MUC17: variants seen among roughly 807,000 people sequenced by gnomAD.
MUC17 encodes mucin 17, cell surface associated.
A neutral mutation model predicts 170.3 loss-of-function variants in MUC17; 190 were observed. The ratio of observed to expected loss-of-function variants is 1.12; its 90% CI spans 0.99 to 1.26. The LOEUF (loss-of-function observed/expected upper bound fraction) is 1.26. Among genes scored for constraint, MUC17 ranks in the 50% most tolerant of loss-of-function variants. The probability of loss-of-function intolerance (pLI) is 0.00; values close to 1 mark genes in which losing one functional copy is unlikely to be tolerated. For synonymous variants in MUC17, 2,325 were observed against 2,002.5 expected (o/e 1.16, Z -4.30); for missense variants, 6,415 against 5,530.0 (o/e 1.16, Z -5.08).
Position 101,040,739 on chromosome 7 carries a change from C to G in MUC17, c.9323C>G (p.Thr3108Arg). 1.2e-6 allele frequency: 2 copies of G among 1,613,292 alleles called. No homozygotes were observed. The highest frequency in any genetic ancestry group is 1.7e-6 in the Non-Finnish European group (2 of 1,179,818). ...STYSEGSTPL[T>R]GVPVSTTPVT... is the part of the protein sequence containing the mutation. ...TATAGTGAAGGAAGCACTCCATTAACAGGTGTGCCTGTCAGCACCACACCG... is the reference window on the plus strand; with the variant it reads ...TATAGTGAAGGAAGCACTCCATTAAGAGGTGTGCCTGTCAGCACCACACCG... Residue 3108 changes from threonine (T) to arginine (R), a missense_variant, in exon 3 of 13, where the codon ACA (threonine) becomes AGA (arginine). By Grantham distance (71) the Thr-to-Arg change is moderately conservative. Coordinates refer to ENST00000306151, the MANE Select transcript of MUC17 (RefSeq NM_001040105.2).
rs542387139 is a variant in MUC17 at position 101,025,278 on chromosome 7, AC to A, written c.82+5062del. On this transcript the variant is annotated intron_variant, in intron 1 of 12. Transcript: ENST00000306151. ...CTTGGGAGGCTGAGGTAGGAGGATC[AC>A]TTGAGGCCAGGAGGTGGAGGCTGCA... 4.6e-5 allele frequency among the ~76,000 whole-genome samples: 7 copies of A among 151,548 alleles called. No individual in the cohort carries two copies. The East Asian group carries it at 1.4e-3, about 30-fold the overall frequency.
Position 101,058,043 on chromosome 7 carries a change from A to G in MUC17, c.13481A>G (p.Ter4494=), listed in dbSNP as rs1453625012. ...CCTCAGGTAATGACGACATCATTTTAAGGCATGGAGCTGAGAAGTCTGGGA... is the reference window on the plus strand; with the variant it reads ...CCTCAGGTAATGACGACATCATTTTGAGGCATGGAGCTGAGAAGTCTGGGA... ...QRPQVMTTSF[*] is the part of the protein sequence containing the mutation. Residue 4494 remains the stop codon, a stop_retained_variant, in exon 13 of 13, where the codon TAA becomes TGA. Coordinates refer to ENST00000306151, the MANE Select transcript of MUC17 (RefSeq NM_001040105.2). The G allele has an allele frequency of 6.2e-7, 1 of 1,613,892 alleles. No homozygotes were observed. The highest frequency in any genetic ancestry group is 2.2e-5 in the East Asian group (1 of 44,870).
chr7:101,056,252 CAT>C lies in MUC17; in HGVS notation c.13424_13425del (p.Ile4475ArgfsTer3), dbSNP rs1795040922. 1.2e-6 allele frequency: 2 copies of C among 1,613,928 alleles called. No homozygotes were observed. The highest frequency in any genetic ancestry group is 1.7e-6 in the Non-Finnish European group (2 of 1,179,880). On this transcript the variant is annotated frameshift_variant, in exon 12 of 13. Coordinates refer to ENST00000306151, the MANE Select transcript of MUC17 (RefSeq NM_001040105.2). LOFTEE classifies it high-confidence loss of function. ...GTAATTTCCAGCCCTCCTTGAGACA[CAT>C]AGACCCTGAAACAAAGGTAAGAAGG... ...YSNFQPSLRH[I>X]DPETKIRIQR...
In MUC17 at chr7:101,032,324, A is replaced by G. The variant is rs1324565780; in HGVS notation, c.908A>G (p.Asn303Ser). ...STLSTTPAAT[N>S]IPVITSTEAS... is the part of the protein sequence containing the mutation. ...CTTTCAACAACTCCTGCTGCCACCA[A>G]CATTCCTGTGATCACTTCTACTGAA... The change falls in exon 3 of 13, where the codon AAC becomes AGC. Residue 303 changes from asparagine to serine, a missense_variant. Physicochemically the swap from Asn to Ser is conservative, Grantham distance 46. Coordinates refer to ENST00000306151, the MANE Select transcript of MUC17 (RefSeq NM_001040105.2). 6.2e-7 allele frequency: 1 copy of G among 1,613,630 alleles called. No homozygotes were observed. The highest frequency in any genetic ancestry group is 1.1e-5 in the South Asian group (1 of 91,060).
In MUC17 at chr7:101,042,608, C is replaced by A; in HGVS notation, c.11192C>A (p.Ala3731Asp). Residue 3731 changes from alanine to aspartate, a missense_variant, in exon 3 of 13, where the codon GCC becomes GAC. Physicochemically the swap from Ala to Asp is moderately radical, Grantham distance 126. Coordinates refer to ENST00000306151, the MANE Select transcript of MUC17 (RefSeq NM_001040105.2). ...ACACCTGTGACCACTTCTACTGAAGCCATTTCATCTTCTGCAACTCTTGAC... is the reference window on the plus strand; with the variant it reads ...ACACCTGTGACCACTTCTACTGAAGACATTTCATCTTCTGCAACTCTTGAC... Reference protein sequence around the residue: ...TSTPVTTSTEAISSSATLDST... With the variant: ...TSTPVTTSTEDISSSATLDST... 6.2e-7 allele frequency: 1 copy of A among 1,614,104 alleles called. No homozygotes were observed. The highest frequency in any genetic ancestry group is 2.2e-5 in the East Asian group (1 of 44,888).
Position 101,053,079 on chromosome 7 carries a change from C to T in MUC17, c.13197C>T (p.Val4399=), listed in dbSNP as rs762504748. 32 of 1,614,016 alleles carry T rather than the reference C, an allele frequency of 2.0e-5. No individual in the cohort carries two copies. In the East Asian group the frequency reaches 2.7e-4, roughly 13 times the overall value. The change falls in exon 10 of 13, where the codon GTC becomes GTT. Residue 4399 remains valine (V), a synonymous_variant. Coordinates refer to ENST00000306151, the MANE Select transcript of MUC17 (RefSeq NM_001040105.2). ...SLVYGLVGAG[V]VLMLIILVAL... is the part of the protein sequence containing the mutation. ...TGTACGGCCTCGTGGGGGCAGGGGT[C>T]GTGCTGATGCTGATCATCCTGGTAG...
chr7:101,050,591 CAA>C lies in MUC17; in HGVS notation c.12833_12834del (p.Lys4278SerfsTer9), dbSNP rs1794921618. The C allele has an allele frequency of 6.2e-7, 1 of 1,614,014 alleles. No homozygotes were observed. On this transcript the variant is annotated frameshift_variant, in exon 7 of 13. Transcript: ENST00000306151. LOFTEE classifies it high-confidence loss of function. ...ACCGAAGTAGTGAAAGAGAAAATCACAAAAGTGACCACACAGCAAATAATGAT... is the reference window on the plus strand; with the variant it reads ...ACCGAAGTAGTGAAAGAGAAAATCACAAGTGACCACACAGCAAATAATGAT...
At position 101,020,109 on chromosome 7, in the gene MUC17, G is replaced by A. The variant is rs777562830; in HGVS notation, c.-27G>A. The A allele has an allele frequency of 2.6e-6, 4 of 1,563,144 alleles. No individual in the cohort carries two copies. The highest frequency in any genetic ancestry group is 3.5e-6 in the Non-Finnish European group (4 of 1,152,906). ...TTCGCCAGCTCCTCTGGGGGTGACA[G>A]GCAAGTGAGACGTGCTCAGAGCTCC... On this transcript the variant is annotated 5_prime_UTR_variant, in exon 1 of 13. Transcript: ENST00000306151.
Position 101,033,386 on chromosome 7 carries a change from A to C in MUC17, c.1970A>C (p.Asn657Thr). ...STLSTTPVDSNTPVTTSTEAT... is the reference protein window; with the variant it reads ...STLSTTPVDSTTPVTTSTEAT... The stretch of plus-strand genomic sequence containing the variant: ...CTTTCAACAACTCCTGTTGACTCCA[A>C]CACTCCTGTGACCACTTCAACTGAA... Residue 657 changes from asparagine to threonine, a missense_variant, in exon 3 of 13, where the codon AAC (asparagine) becomes ACC (threonine). Coordinates refer to ENST00000306151, the MANE Select transcript of MUC17 (RefSeq NM_001040105.2). 1.3e-6 allele frequency: 2 copies of C among 1,593,244 alleles called. No individual in the cohort carries two copies. The highest frequency in any genetic ancestry group is 1.7e-6 in the Non-Finnish European group (2 of 1,171,802).
In MUC17 at chr7:101,043,241, C is replaced by A. The variant is rs1026412011; in HGVS notation, c.11825C>A (p.Pro3942His). 2.5e-6 allele frequency: 4 copies of A among 1,614,126 alleles called. No individual in the cohort carries two copies. The highest frequency in any genetic ancestry group is 8.5e-7 in the Non-Finnish European group (1 of 1,180,028). ...ACACCTGGGACAACCATTTTTATTC[C>A]CAGCACTCCTGTCACCAGTTCTACT... The part of the protein sequence containing the change: ...GSTPGTTIFI[P>H]STPVTSSTAD... Residue 3942 changes from proline (P) to histidine (H), a missense_variant, in exon 3 of 13, where the codon CCC becomes CAC. Coordinates refer to ENST00000306151, the MANE Select transcript of MUC17 (RefSeq NM_001040105.2).
In MUC17 at chr7:101,032,160, C is replaced by A; in HGVS notation, c.744C>A (p.Thr248=). ...CTGTTGAAATCAGCACACCTGTGAC[C>A]ATTTCTGCTCAAGCCAGTTCATCTC... ...TTPVEISTPV[T]ISAQASSSPT... The change falls in exon 3 of 13, where the codon ACC becomes ACA. Residue 248 remains threonine (T), a synonymous_variant. Transcript: ENST00000306151. 1 of 1,613,950 alleles carries A rather than the reference C, an allele frequency of 6.2e-7. No individual in the cohort carries two copies. The highest frequency in any genetic ancestry group is 1.7e-5 in the Admixed American group (1 of 59,996).
rs879847511 is a variant in MUC17, at chr7:101,042,436, T to C, written c.11020T>C (p.Ser3674Pro). ...TGTGATCACTTCTACCCAAGTCAGT[T>C]CATCTCCTGTGACTCCTGAAGGTAC... The part of the protein sequence containing the change: ...TPVITSTQVS[S>P]SPVTPEGTTM... Residue 3674 changes from serine to proline, a missense_variant, in exon 3 of 13, where the codon TCA becomes CCA. By Grantham distance (74) the Ser-to-Pro change is moderately conservative. Coordinates refer to ENST00000306151, the MANE Select transcript of MUC17 (RefSeq NM_001040105.2). The C allele has an allele frequency of 1.9e-6, 3 of 1,613,912 alleles. No homozygotes were observed. The highest frequency in any genetic ancestry group is 2.5e-6 in the Non-Finnish European group (3 of 1,179,966).
chr7:101,030,741 A>G (rs1356936484), intron 1 of MUC17, among the ~76,000 whole-genome samples: 1 of 151,160 alleles, frequency 6.6e-6, no homozygotes, highest in Non-Finnish European at 1.5e-5. Flanking sequence ...GCTAATTTTT[A>G]TAAAATTTTG....
rs6946812 is a variant in MUC17 at position 101,051,859 on chromosome 7, G to A, written c.13000G>A (p.Asp4334Asn). 21,069 of 1,614,184 alleles carry A rather than the reference G, an allele frequency of 0.013. 181 individuals carry two copies. The highest frequency in any genetic ancestry group is 0.019 in the Middle Eastern group (116 of 6,060). The change falls in exon 9 of 13, where the codon GAC (aspartate) becomes AAC (asparagine). Residue 4334 changes from aspartate to asparagine, a missense_variant. Coordinates refer to ENST00000306151, the MANE Select transcript of MUC17 (RefSeq NM_001040105.2). ...YGDYFVVEYR[D>N]QKPYCISPCE... ...AGACTACTTCGTAGTGGAGTACCGG[G>A]ACCAGAAGCCATACTGCATCAGCCC...
At position 101,036,715 on chromosome 7, in the gene MUC17, A is replaced by G. The variant is rs745799755; in HGVS notation, c.5299A>G (p.Ser1767Gly). ...CACGCCGGTACTCAGTTCTGAGGCTAGCACCCTTTCAGCAACTCCTATTGA... is the reference window on the plus strand; with the variant it reads ...CACGCCGGTACTCAGTTCTGAGGCTGGCACCCTTTCAGCAACTCCTATTGA... ...STTPVLSSEASTLSATPIDTS... is the reference protein window; with the variant it reads ...STTPVLSSEAGTLSATPIDTS... The change falls in exon 3 of 13, where the codon AGC (serine) becomes GGC (glycine). Residue 1767 changes from serine (S) to glycine (G), a missense_variant. Transcript: ENST00000306151. 18 of 1,612,804 alleles carry G rather than the reference A, an allele frequency of 1.1e-5. No individual in the cohort carries two copies. Among genetic ancestry groups the G allele is most frequent in the Non-Finnish European group, 1.4e-5 (16 of 1,179,450 alleles).
In MUC17 at chr7:101,033,002, G is replaced by T. The variant is rs1562804445; in HGVS notation, c.1586G>T (p.Ser529Ile). ...ATGCCGGTGGCCAGTTCTGAGGCTA[G>T]CACCCTTTCAACAACTCCTGTTGAC... ...STMPVASSEA[S>I]TLSTTPVDTS... The change falls in exon 3 of 13, where the codon AGC becomes ATC. Residue 529 changes from serine (S) to isoleucine (I), a missense_variant. By Grantham distance (142) the Ser-to-Ile change is moderately radical (BLOSUM62 -2). Transcript: ENST00000306151. 1.9e-6 allele frequency: 3 copies of T among 1,614,028 alleles called. No homozygotes were observed. Among genetic ancestry groups the T allele is most frequent in the East Asian group, 4.5e-5 (2 of 44,872 alleles).
intron 5 of MUC17, 104 bp downstream of exon 5, chr7:101,049,076 G>A: frequency 6.5e-7 from 1 of 1,546,672 alleles, no homozygotes. Context: ...AGATGTGCGG[G>A]AGTTCTCTCA....
chr7:101,049,990 G>T (rs548505322), intron 6 of MUC17, among the ~76,000 whole-genome samples: 6 of 152,240 alleles, frequency 3.9e-5, no homozygotes, highest in African/African-American at 1.4e-4. Context: ...AATTAGCAGG[G>T]TATGGTGGTA....
chr7:101,020,317 A>C, intron 1 of MUC17, 100 bp downstream of exon 1: 1 of 957,038 alleles, frequency 1.0e-6, no homozygotes, highest in Non-Finnish European at 1.5e-6. Flanking sequence ...CCAGGACACC[A>C]ATAGGGGTGT....
Sources: allele counts gnomAD v4.1 joint callset (sites outside exome capture counted in the v4.1 genomes callset), GRCh38; gene constraint gnomAD v4.1.1; transcripts MANE v1.5; gene names NCBI Gene and HGNC (gene_info 2026-07-23, HGNC 2026-07-21).